Variants in COPA observed in about 807,000 individuals in gnomAD.
The protein encoded by COPA is coatomer subunit alpha.
A neutral mutation model predicts 158.7 loss-of-function variants in COPA; 10 were observed. The ratio of observed to expected loss-of-function variants is 0.06; its 90% CI spans 0.04 to 0.11. COPA has a LOEUF of 0.11. Ranked by LOEUF, COPA falls within the 10% of genes least tolerant of loss-of-function variation. COPA has a pLI of 1.00. For synonymous variants in COPA, 462 were observed against 542.8 expected, an observed-to-expected ratio of 0.85 and a Z score of 2.07; for missense variants, 1,065 against 1,536.7, an observed-to-expected ratio of 0.69 and a Z score of 5.13.
chr1:160,315,865 C>T (rs1238369231), intron 8 of COPA, among the ~76,000 whole-genome samples: 1 of 152,156 alleles, frequency 6.6e-6, no homozygotes, highest in Non-Finnish European at 1.5e-5. Flanking sequence ...ACCCTGTTAT[C>T]GCCAAGAGAT....
chr1:160,338,328 A>AT (rs752694880), intron 3 of COPA, among the ~76,000 whole-genome samples: 33 of 152,214 alleles, frequency 2.2e-4, no homozygotes, highest in Non-Finnish European at 3.8e-4. Flanking sequence ...ACAGAAAGAA[A>AT]TGTCCTTCCT....
chr1:160,331,858 T>C (rs1449506529), intron 6 of COPA, among the ~76,000 whole-genome samples: 2 of 151,432 alleles, frequency 1.3e-5, no homozygotes, highest in Admixed American at 6.6e-5. Context: ...TGAGGGAGAA[T>C]TGCTTGAACC....
rs1447317814 is a variant in COPA, at chr1:160,335,230, A to G, written c.309+12T>C. On this transcript the variant is annotated intron_variant, in intron 4 of 32. Transcript: ENST00000241704. ...AGAATGCTCCAAAACTAGCGCCACCATGACTACTTACATGATGAAAAAACG... is the reference window on the plus strand; with the variant it reads ...AGAATGCTCCAAAACTAGCGCCACCGTGACTACTTACATGATGAAAAAACG... 3 of 1,602,210 alleles carry G rather than the reference A, an allele frequency of 1.9e-6. No homozygotes were observed. Among genetic ancestry groups the G allele is most frequent in the Non-Finnish European group, 2.6e-6 (3 of 1,174,406 alleles).
At chr1:160,309,018 G>A in intron 13 of COPA, 83 bp downstream of exon 13, 6 of 1,106,812 alleles carry the variant, frequency 5.4e-6, no homozygotes, top group Non-Finnish European at 8.3e-6. Flanking sequence ...GCTTGGGGAT[G>A]GAATGTGAAA....
intron 22 of COPA, 39 bp downstream of exon 22, chr1:160,296,022 A>G: frequency 6.3e-7 from 1 of 1,599,514 alleles, no homozygotes; most frequent in South Asian, 1.1e-5. Flanking sequence ...CCTAGAGTTA[A>G]TCCTGTAATA....
At position 160,333,720 on chromosome 1, in the gene COPA, A is replaced by G. The variant is rs139447886; in HGVS notation, c.310-41T>C. 1.6e-5 allele frequency: 24 copies of G among 1,478,492 alleles called. No individual in the cohort carries two copies. In the East Asian group the frequency reaches 4.5e-4, roughly 28 times the overall value. The allele number at this position is 1,478,492 out of a possible 1,614,324, so 91.6% of individuals were successfully genotyped here. ...GACAAAGGCTTTAAACATTAAACAA[A>G]TCTGTTCTATCAGGTTCTTGTAATC... On this transcript the variant is annotated intron_variant, in intron 4 of 32. Coordinates refer to ENST00000241704, the MANE Select transcript of COPA (RefSeq NM_004371.4).
intron 3 of COPA, 139 bp from the exon 4 acceptor site, chr1:160,335,461 A>G: frequency 1.8e-6 from 1 of 568,822 alleles, no homozygotes; most frequent in Admixed American, 4.0e-5. Flanking sequence ...TGGCATTTCT[A>G]AATAGGTAGG....
chr1:160,297,531 C>G, intron 20 of COPA, 25 bp downstream of exon 20: 1 of 1,612,996 alleles, frequency 6.2e-7, no homozygotes, highest in South Asian at 1.1e-5. Flanking sequence ...AACCCCTCTT[C>G]CCATCCTTAG....
At chr1:160,332,421 G>A in intron 6 of COPA, 27 bp downstream of exon 6, 1 of 1,530,982 alleles carries the variant, frequency 6.5e-7, no homozygotes, top group Non-Finnish European at 9.0e-7. Flanking sequence ...AGATGACCAG[G>A]TTGTCCTCTG....
At chr1:160,303,767 A>C (rs1229114298) in intron 17 of COPA, among the ~76,000 whole-genome samples, 1 of 152,236 alleles carries the variant, frequency 6.6e-6, no homozygotes, top group Non-Finnish European at 1.5e-5. Context: ...AGGAGATACT[A>C]ATATTTGCAA....
intron 17 of COPA, among the ~76,000 whole-genome samples, chr1:160,304,051 G>A (rs780525652): frequency 2.0e-5 from 3 of 151,682 alleles, no homozygotes; most frequent in South Asian, 2.1e-4. Context: ...AGTTTCGCTC[G>A]TTGCCCAGGC....
In COPA at chr1:160,298,959, A is replaced by C; in HGVS notation, c.1863T>G (p.Val621=). 6.2e-7 allele frequency: 1 copy of C among 1,614,150 alleles called. No homozygotes were observed. Among genetic ancestry groups the C allele is most frequent in the East Asian group, 2.2e-5 (1 of 44,890 alleles). Residue 621 remains valine, a synonymous_variant, in exon 19 of 33, where the codon GTT becomes GTG. Coordinates refer to ENST00000241704, the MANE Select transcript of COPA (RefSeq NM_004371.4). ...VLHMVRNAKL[V]GQSIIAYLQK... ...GGAGATAAGCAATAATAGACTGGCC[A>C]ACTAGTTTGGCATTCCTCACCATGT...
rs12090071 is a variant in COPA, at chr1:160,293,117, G to A, written c.2823+49C>T. ...GATTAAAATGAGTCAACCATCTCCC[G>A]GGGACCCTGGGCTAGGCACACTCAA... On this transcript the variant is annotated intron_variant, in intron 27 of 32. Coordinates refer to ENST00000241704, the MANE Select transcript of COPA (RefSeq NM_004371.4). The A allele has an allele frequency of 3.1e-3, 4,801 of 1,568,380 alleles. 133 individuals are homozygous for A. In the African/African-American group the frequency reaches 0.056, roughly 18 times the overall value.
Position 160,295,783 on chromosome 1 carries a change from A to G in COPA, c.2429T>C (p.Leu810Ser). Residue 810 changes from leucine (L) to serine (S), a missense_variant, in exon 23 of 33, where the codon TTA (leucine) becomes TCA (serine). By Grantham distance (145) the Leu-to-Ser change is moderately radical. Transcript: ENST00000241704. ...PIMPLDTNWP[L>S]LTVSKGFFEG... Reference sequence around the variant, plus strand: ...AAAAAATCCTTTGGATACAGTCAATAAAGGCCAATTGGTATCCAATGGCAT... The same window carrying G: ...AAAAAATCCTTTGGATACAGTCAATGAAGGCCAATTGGTATCCAATGGCAT... The G allele has an allele frequency of 6.2e-7, 1 of 1,613,010 alleles. No individual in the cohort carries two copies. The highest frequency in any genetic ancestry group is 2.2e-5 in the East Asian group (1 of 44,880).
In COPA at chr1:160,318,394, G is replaced by T. The variant is rs547853635; in HGVS notation, c.707-4269C>A. 7.7e-3 allele frequency among the ~76,000 whole-genome samples: 995 copies of T among 128,804 alleles called. 9 individuals are homozygous for T. The highest frequency in any genetic ancestry group is 0.027 in the African/African-American group (948 of 35,148). 84.5% of individuals were successfully genotyped at this position (128,804 alleles called of 152,430 possible). ...AACACTGCTCTTTTTGATTTTATTT[G>T]TACTTTTTGGCCTGGGATATGGGTT... On this transcript the variant is annotated intron_variant, in intron 8 of 32. Coordinates refer to ENST00000241704, the MANE Select transcript of COPA (RefSeq NM_004371.4).
rs1262542566 is a variant in COPA, at chr1:160,288,774, ATTCTT to A, written c.*1378_*1382del. Among the ~76,000 whole-genome samples the A allele has an allele frequency of 3.9e-5, 6 of 152,202 alleles. No homozygotes were observed. The highest frequency in any genetic ancestry group is 7.3e-5 in the Non-Finnish European group (5 of 68,040). On this transcript the variant is annotated 3_prime_UTR_variant, in exon 33 of 33. Coordinates refer to ENST00000241704, the MANE Select transcript of COPA (RefSeq NM_004371.4). ...ATCATTGTAATATATATAAAGTACTATTCTTTTATCTGTATATTACATGTAAAATA... is the reference window on the plus strand; with the variant it reads ...ATCATTGTAATATATATAAAGTACTATTATCTGTATATTACATGTAAAATA...
intron 8 of COPA, chr1:160,317,685 G>A (rs1357951395): frequency 6.7e-6 from 10 of 1,487,538 alleles, no homozygotes; most frequent in Non-Finnish European, 8.4e-6. Flanking sequence ...AGGAACAAAT[G>A]GGGGGTCATT....
chr1:160,301,854 G>C (rs1363253839), intron 17 of COPA, among the ~76,000 whole-genome samples: 1 of 150,288 alleles, frequency 6.7e-6, no homozygotes, highest in African/African-American at 2.4e-5. Flanking sequence ...ATTTTACCAA[G>C]GTAAAAAAAA....
At position 160,335,375 on chromosome 1, in the gene COPA, G is replaced by A. The variant is rs937824977; in HGVS notation, c.229-53C>T. 5 of 1,444,024 alleles carry A rather than the reference G, an allele frequency of 3.5e-6. No individual in the cohort carries two copies. The African/African-American group carries it at 7.2e-5, about 21-fold the overall frequency. The allele number at this position is 1,444,024 out of a possible 1,614,324, so 89.5% of individuals were successfully genotyped here. A position where few individuals can be genotyped will look rare whatever the true frequency, so the allele number is the denominator to read the frequency against. The stretch of plus-strand genomic sequence containing the variant: ...AGAAATAGTTATTGAGCCTCTAAAA[G>A]GCTCAGAGAAATTGATATCTTTACA... On this transcript the variant is annotated intron_variant, in intron 3 of 32. Coordinates refer to ENST00000241704, the MANE Select transcript of COPA (RefSeq NM_004371.4).
Sources: gnomAD v4.1 joint callset for allele counts (sites outside exome capture counted in the v4.1 genomes callset) on GRCh38, gnomAD v4.1.1 for gene constraint, MANE v1.5 for transcripts, NCBI Gene and HGNC (gene_info 2026-07-23, HGNC 2026-07-21) for gene names.